The following HOXA7 variants were observed in gnomAD, a reference collection of about 807,000 sequenced individuals.
HOXA7 encodes the protein homeobox A7.
Under a neutral mutation model 16.8 loss-of-function variants are expected in HOXA7, and 16 were observed. The observed-to-expected ratio is 0.95, with a 90% CI of 0.64 to 1.44. The LOEUF (loss-of-function observed/expected upper bound fraction) is 1.44. Among genes scored for constraint, HOXA7 ranks in the 40% most tolerant of loss-of-function variants. The pLI, the probability that HOXA7 is intolerant of heterozygous loss-of-function variation, is 0.00. For synonymous variants in HOXA7, 169 were observed against 144.3 expected, an observed-to-expected ratio of 1.17 and a Z score of -1.23; for missense variants, 379 against 328.6, an observed-to-expected ratio of 1.15 and a Z score of -1.19.
rs367908615 is a variant in HOXA7 at position 27,155,080 on chromosome 7, A to T, written c.522T>A (p.Ile174=). The T allele has an allele frequency of 1.0e-4, 163 of 1,614,034 alleles. No homozygotes were observed. Among genetic ancestry groups the T allele is most frequent in the Non-Finnish European group, 1.4e-4 (161 of 1,180,028 alleles). ...TGCGGCGGTTCTGGAACCAGATCTT[A>T]ATCTGGCGCTCGGTGAGGCAGAGCG... ...AHALCLTERQ[I]KIWFQNRRMK... Residue 174 remains isoleucine (I), a synonymous_variant, in exon 2 of 2, where the codon ATT becomes ATA. Transcript: ENST00000242159.
At chr7:27,156,010 A>T in intron 1 of HOXA7, 157 bp downstream of exon 1, 1 of 880,598 alleles carries the variant, frequency 1.1e-6, no homozygotes, top group Non-Finnish European at 1.6e-6. Context: ...TCCAATTAAA[A>T]CCAGAAAGGC....
chr7:27,153,939 A>T lies in HOXA7; in HGVS notation c.*970T>A, dbSNP rs981090569. 6.5e-6 allele frequency: 1 copy of T among 152,714 alleles called. No individual in the cohort carries two copies. The highest frequency in any genetic ancestry group is 1.5e-5 in the Non-Finnish European group (1 of 68,070). The allele number at this position is 152,714 out of a possible 1,614,324, so 9.5% of individuals were successfully genotyped here. On this transcript the variant is annotated 3_prime_UTR_variant, in exon 2 of 2. Coordinates refer to ENST00000242159, the MANE Select transcript of HOXA7 (RefSeq NM_006896.4). ...CCATTAACACATCCTTTCCAAGTCA[A>T]GACACTGCCTTACAAATGAACTCCA...
intron 1 of HOXA7, 136 bp downstream of exon 1, chr7:27,156,031 G>T: frequency 9.4e-7 from 1 of 1,060,960 alleles, no homozygotes; most frequent in Non-Finnish European, 1.2e-6. Context: ...TGCGCCGGGA[G>T]TCACGGGGCT....
At position 27,154,669 on chromosome 7, in the gene HOXA7, C is replaced by A. The variant is rs1783070392; in HGVS notation, c.*240G>T. On this transcript the variant is annotated 3_prime_UTR_variant, in exon 2 of 2. Coordinates refer to ENST00000242159, the MANE Select transcript of HOXA7 (RefSeq NM_006896.4). ...GGTTGGGGGTGTCTTTTGGGGTCCTCGGAGGCAGAGGGAATCCAAGGCGAC... is the reference window on the plus strand; with the variant it reads ...GGTTGGGGGTGTCTTTTGGGGTCCTAGGAGGCAGAGGGAATCCAAGGCGAC... 1 of 591,904 alleles carries A rather than the reference C, an allele frequency of 1.7e-6. No homozygotes were observed. Among genetic ancestry groups the A allele is most frequent in the Middle Eastern group, 4.7e-4 (1 of 2,148 alleles). 36.7% of individuals were successfully genotyped at this position (591,904 alleles called of 1,614,324 possible).
rs752468389 is a variant in HOXA7 at position 27,156,326 on chromosome 7, C to T, written c.220G>A (p.Ala74Thr). 1.9e-6 allele frequency: 3 copies of T among 1,613,878 alleles called. No individual in the cohort carries two copies. The highest frequency in any genetic ancestry group is 2.2e-5 in the South Asian group (2 of 91,088). Residue 74 changes from alanine (A) to threonine (T), a missense_variant, in exon 1 of 2, where the codon GCC becomes ACC. Transcript: ENST00000242159. ...SPFASGYGLG[A>T]DAYGNLPCAS... Reference sequence around the variant, plus strand: ...CAGGGCAGGTTGCCGTAGGCGTCGGCGCCCAGGCCGTAGCCGGACGCAAAG... The same window carrying T: ...CAGGGCAGGTTGCCGTAGGCGTCGGTGCCCAGGCCGTAGCCGGACGCAAAG...
At chr7:27,155,613 G>T in intron 1 of HOXA7, 1 of 225,220 alleles carries the variant, frequency 4.4e-6, no homozygotes, top group Non-Finnish European at 8.9e-6. Flanking sequence ...CTAGGCAAGT[G>T]GGCGACTCTT....
rs780125759 is a variant in HOXA7, at chr7:27,156,556, T to C, written c.-11A>G. ...ATACGAAGAACTCATAATTTTGACC[T>C]GTGATTTGTTGTCCGGCAGCTTTCA... On this transcript the variant is annotated 5_prime_UTR_variant, in exon 1 of 2. Transcript: ENST00000242159. The C allele has an allele frequency of 2.6e-5, 41 of 1,553,728 alleles. No individual in the cohort carries two copies. In the South Asian group the frequency reaches 4.3e-4, roughly 16 times the overall value.
In HOXA7 at chr7:27,156,555, C is replaced by G; in HGVS notation, c.-10G>C. 1 of 1,558,252 alleles carries G rather than the reference C, an allele frequency of 6.4e-7. No individual in the cohort carries two copies. Among genetic ancestry groups the G allele is most frequent in the Non-Finnish European group, 8.7e-7 (1 of 1,149,178 alleles). ...AATACGAAGAACTCATAATTTTGAC[C>G]TGTGATTTGTTGTCCGGCAGCTTTC... is the stretch of plus-strand genomic sequence containing the variant. On this transcript the variant is annotated 5_prime_UTR_variant, in exon 1 of 2. Transcript: ENST00000242159.
At chr7:27,155,296 A>G in intron 1 of HOXA7, 74 bp from the exon 2 acceptor site, 2 of 1,384,956 alleles carry the variant, frequency 1.4e-6, no homozygotes, top group South Asian at 1.2e-5. Flanking sequence ...CTGCTGTCCC[A>G]GAGCCCGCAC....
In HOXA7 at chr7:27,154,661, G is replaced by A; in HGVS notation, c.*248C>T. 1.8e-6 allele frequency: 1 copy of A among 565,172 alleles called. No homozygotes were observed. The highest frequency in any genetic ancestry group is 3.0e-6 in the Non-Finnish European group (1 of 330,040). The allele number at this position is 565,172 out of a possible 1,614,324, so 35.0% of individuals were successfully genotyped here. A position where few individuals can be genotyped will look rare whatever the true frequency, so the allele number is the denominator to read the frequency against. ...TGGCCTGGGGTTGGGGGTGTCTTTT[G>A]GGGTCCTCGGAGGCAGAGGGAATCC... On this transcript the variant is annotated 3_prime_UTR_variant, in exon 2 of 2. Coordinates refer to ENST00000242159, the MANE Select transcript of HOXA7 (RefSeq NM_006896.4).
At chr7:27,155,674 C>T (rs1783093348) in intron 1 of HOXA7, 1 of 177,742 alleles carries the variant, frequency 5.6e-6, no homozygotes, top group African/African-American at 2.4e-5. Flanking sequence ...CACCCCGACC[C>T]TCTGTCCTCA....
chr7:27,155,896 G>A (rs934292579), intron 1 of HOXA7: 3 of 370,748 alleles, frequency 8.1e-6, no homozygotes, highest in African/African-American at 4.2e-5. Flanking sequence ...GACAAATGGA[G>A]TTAAATAAAT....
chr7:27,154,587 C>T lies in HOXA7; in HGVS notation c.*322G>A, dbSNP rs1448336748. ...ATAGGTAGTTTGGGGGTGCCTCGAG[C>T]AGAGGCCTGTGCTAGGTAGTATTTT... On this transcript the variant is annotated 3_prime_UTR_variant, in exon 2 of 2. Transcript: ENST00000242159. The T allele has an allele frequency of 6.5e-6, 2 of 307,920 alleles. No homozygotes were observed. 19.1% of individuals were successfully genotyped at this position (307,920 alleles called of 1,614,324 possible).
chr7:27,155,303 G>A, intron 1 of HOXA7, 81 bp from the exon 2 acceptor site: 3 of 1,300,908 alleles, frequency 2.3e-6, no homozygotes, highest in Non-Finnish European at 2.2e-6. Flanking sequence ...CCCAGAGCCC[G>A]CACCTTCCTC....
Position 27,156,410 on chromosome 7 carries a change from C to T in HOXA7, c.136G>A (p.Ala46Thr), listed in dbSNP as rs1233857798. ...AAGCCCGGAACGGTCGAGGCGAAGG[C>T]GCCGGCGCCCGCCCCGTAGCCGCTT... Reference protein sequence around the residue: ...QRSGYGAGAGAFASTVPGLYN... With the variant: ...QRSGYGAGAGTFASTVPGLYN... The change falls in exon 1 of 2, where the codon GCC (alanine) becomes ACC (threonine). Residue 46 changes from alanine (A) to threonine (T), a missense_variant. Transcript: ENST00000242159. 1.2e-6 allele frequency: 2 copies of T among 1,613,504 alleles called. No individual in the cohort carries two copies. The highest frequency in any genetic ancestry group is 1.7e-6 in the Non-Finnish European group (2 of 1,179,748).
Position 27,156,400 on chromosome 7 carries a change from G to T in HOXA7, c.146C>A (p.Ser49Ter). The T allele has an allele frequency of 6.2e-7, 1 of 1,613,806 alleles. No homozygotes were observed. The highest frequency in any genetic ancestry group is 8.5e-7 in the Non-Finnish European group (1 of 1,179,786). The change falls in exon 1 of 2, where the codon TCG (serine) becomes TAG (stop). Residue 49 changes from serine to a stop codon, truncating the protein, a stop_gained. Coordinates refer to ENST00000242159, the MANE Select transcript of HOXA7 (RefSeq NM_006896.4). LOFTEE classifies it high-confidence loss of function. ...GYGAGAGAFA[S>*]TVPGLYNVNS... The stretch of plus-strand genomic sequence containing the variant: ...GACATTGTATAAGCCCGGAACGGTC[G>T]AGGCGAAGGCGCCGGCGCCCGCCCC...
chr7:27,156,570 C>A lies in HOXA7; in HGVS notation c.-25G>T. The A allele has an allele frequency of 6.5e-7, 1 of 1,545,626 alleles. No homozygotes were observed. The highest frequency in any genetic ancestry group is 8.7e-7 in the Non-Finnish European group (1 of 1,143,474). On this transcript the variant is annotated 5_prime_UTR_variant, in exon 1 of 2. Transcript: ENST00000242159. ...TAATTTTGACCTGTGATTTGTTGTC[C>A]GGCAGCTTTCAGTGTCGGTTTTACG...
chr7:27,155,112 C>T lies in HOXA7; in HGVS notation c.490G>A (p.Ala164Thr). Residue 164 changes from alanine (A) to threonine (T), a missense_variant, in exon 2 of 2, where the codon GCC becomes ACC. Physicochemically the swap from Ala to Thr is moderately conservative, Grantham distance 58 (BLOSUM62 0). Transcript: ENST00000242159. ...CGCTCGGTGAGGCAGAGCGCGTGGG[C>T]GATTTCAATGCGGCGGCGCCGCGTC... is the stretch of plus-strand genomic sequence containing the variant. ...YLTRRRRIEI[A>T]HALCLTERQI... 1 of 1,614,244 alleles carries T rather than the reference C, an allele frequency of 6.2e-7. No individual in the cohort carries two copies. Among genetic ancestry groups the T allele is most frequent in the Non-Finnish European group, 8.5e-7 (1 of 1,180,050 alleles).
At position 27,154,635 on chromosome 7, in the gene HOXA7, C is replaced by T; in HGVS notation, c.*274G>A. On this transcript the variant is annotated 3_prime_UTR_variant, in exon 2 of 2. Coordinates refer to ENST00000242159, the MANE Select transcript of HOXA7 (RefSeq NM_006896.4). ...TTTGGACGCGCCAGAGCAGGGCCGG[C>T]TGGCCTGGGGTTGGGGGTGTCTTTT... The T allele has an allele frequency of 2.0e-6, 1 of 497,832 alleles. No homozygotes were observed. The allele number at this position is 497,832 out of a possible 1,614,324, so 30.8% of individuals were successfully genotyped here.
Sources: gnomAD v4.1 joint callset for allele counts on GRCh38, gnomAD v4.1.1 for gene constraint, MANE v1.5 for transcripts, NCBI Gene and HGNC (gene_info 2026-07-23, HGNC 2026-07-21) for gene names.